The following ESRRG variants were observed in gnomAD, a reference collection of about 807,000 sequenced individuals.
The protein encoded by ESRRG is estrogen related receptor gamma.
Under a neutral mutation model 44.0 loss-of-function variants are expected in ESRRG, and 13 were observed. The observed-to-expected ratio is 0.30, with a 90% CI of 0.19 to 0.47. ESRRG has a LOEUF of 0.47. Among genes scored for constraint, ESRRG ranks in the 20% least tolerant of loss-of-function variants. The pLI is 1.00. For synonymous variants in ESRRG, 215 were observed against 214.6 expected, an observed-to-expected ratio of 1.00 and a Z score of -0.02; for missense variants, 395 against 580.6, an observed-to-expected ratio of 0.68 and a Z score of 3.29.
At chr1:217,034,807 G>A (rs1052974086) in intron 1 of ESRRG, among the ~76,000 whole-genome samples, 2 of 152,136 alleles carry the variant, frequency 1.3e-5, no homozygotes, top group East Asian at 1.9e-4. Flanking sequence ...GGTACATTCT[G>A]TGCCTAATGA....
chr1:216,657,927 T>C (rs1301122183), intron 2 of ESRRG, among the ~76,000 whole-genome samples: 1 of 152,158 alleles, frequency 6.6e-6, no homozygotes, highest in Non-Finnish European at 1.5e-5. Flanking sequence ...ATGTAGTATA[T>C]AAGAGGCATA....
intron 1 of ESRRG, among the ~76,000 whole-genome samples, chr1:217,009,278 T>C (rs1481841963): frequency 6.6e-6 from 1 of 152,076 alleles, no homozygotes; most frequent in Non-Finnish European, 1.5e-5. Context: ...ATGCACAATA[T>C]TGAAGATTGC....
At chr1:216,989,701 C>T (rs1301215328) in intron 1 of ESRRG, among the ~76,000 whole-genome samples, 2 of 152,148 alleles carry the variant, frequency 1.3e-5, no homozygotes, top group Non-Finnish European at 2.9e-5. Context: ...CACTTTCCTT[C>T]ATATTCAGAG....
chr1:216,690,977 A>T (rs2151726497), intron 1 of ESRRG, among the ~76,000 whole-genome samples: 1 of 152,316 alleles, frequency 6.6e-6, no homozygotes, highest in East Asian at 1.9e-4. Context: ...ACATAAATGC[A>T]TTTATGTGTA....
intron 2 of ESRRG, among the ~76,000 whole-genome samples, chr1:216,801,389 T>C (rs1260797746): frequency 6.6e-6 from 1 of 152,158 alleles, no homozygotes; most frequent in African/African-American, 2.4e-5. Context: ...TTTTGTATCC[T>C]GTGACCTACT....
At chr1:216,907,515 C>T (rs1560063631) in intron 2 of ESRRG, among the ~76,000 whole-genome samples, 1 of 152,162 alleles carries the variant, frequency 6.6e-6, no homozygotes, top group African/African-American at 2.4e-5. Flanking sequence ...TCAAAATGAA[C>T]AAGTATGGTT....
chr1:216,635,684 C>G (rs978059620), intron 3 of ESRRG, among the ~76,000 whole-genome samples: 1 of 152,140 alleles, frequency 6.6e-6, no homozygotes, highest in Non-Finnish European at 1.5e-5. Flanking sequence ...GCAGGTTTTG[C>G]TGACCCTGCC....
chr1:216,935,990 C>T (rs2064086651), intron 2 of ESRRG, among the ~76,000 whole-genome samples: 1 of 152,048 alleles, frequency 6.6e-6, no homozygotes, highest in Non-Finnish European at 1.5e-5. Context: ...CTTCTCTCCC[C>T]TTCCTGGAGG....
At chr1:216,749,257 C>A (rs2091766635) in intron 2 of ESRRG, among the ~76,000 whole-genome samples, 1 of 152,014 alleles carries the variant, frequency 6.6e-6, no homozygotes, top group Non-Finnish European at 1.5e-5. Context: ...AAACTGACAC[C>A]AATGACCAAT....
intron 1 of ESRRG, among the ~76,000 whole-genome samples, chr1:217,117,455 C>T (rs558273092): frequency 1.6e-4 from 24 of 152,110 alleles, no homozygotes; most frequent in Non-Finnish European, 2.5e-4. Context: ...GGTAGTGGTG[C>T]ATGCCTGTAG....
Position 216,594,989 on chromosome 1 carries a change from C to T in ESRRG, c.590-26891G>A, listed in dbSNP as rs116264385. Reference sequence around the variant, plus strand: ...ACAAGAGGCAACCACTTCAACCATCCTGCAGAAAGTAGACTATGGCTAGAG... The same window carrying T: ...ACAAGAGGCAACCACTTCAACCATCTTGCAGAAAGTAGACTATGGCTAGAG... On this transcript the variant is annotated intron_variant, in intron 3 of 6. Coordinates refer to ENST00000408911, the MANE Select transcript of ESRRG (RefSeq NM_001438.4). Among the ~76,000 whole-genome samples, 3 of 152,292 alleles carry T rather than the reference C, an allele frequency of 2.0e-5. No homozygotes were observed. The East Asian group carries it at 5.8e-4, about 29-fold the overall frequency.
intron 1 of ESRRG, among the ~76,000 whole-genome samples, chr1:217,113,635 G>C (rs1214675745): frequency 6.6e-6 from 1 of 152,074 alleles, no homozygotes; most frequent in African/African-American, 2.4e-5. Flanking sequence ...GAAATAGTTT[G>C]TTCTCAGAAG....
intron 2 of ESRRG, among the ~76,000 whole-genome samples, chr1:216,931,216 C>CT (rs966343250): frequency 6.6e-6 from 1 of 152,156 alleles, no homozygotes; most frequent in Non-Finnish European, 1.5e-5. Context: ...ATCCTTGTCC[C>CT]TTGTCCATCC....
At chr1:217,099,499 C>T (rs1415426735) in intron 1 of ESRRG, among the ~76,000 whole-genome samples, 1 of 151,980 alleles carries the variant, frequency 6.6e-6, no homozygotes, top group African/African-American at 2.4e-5. Context: ...TCTATGAAAT[C>T]TAATATAATG....
chr1:217,071,556 T>A (rs1367550247), intron 1 of ESRRG, among the ~76,000 whole-genome samples: 2 of 152,216 alleles, frequency 1.3e-5, no homozygotes, highest in East Asian at 3.9e-4. Context: ...AAGGAGCAGA[T>A]ACTATTATGT....
At chr1:216,906,272 T>C (rs1465321334) in intron 2 of ESRRG, among the ~76,000 whole-genome samples, 1 of 152,184 alleles carries the variant, frequency 6.6e-6, no homozygotes, top group Non-Finnish European at 1.5e-5. Flanking sequence ...ATAAATATAA[T>C]AAACTAAAAT....
chr1:216,743,862 G>A (rs1020146399), intron 2 of ESRRG, among the ~76,000 whole-genome samples: 2 of 152,194 alleles, frequency 1.3e-5, no homozygotes, highest in Non-Finnish European at 2.9e-5. Flanking sequence ...TTAGGAAGCT[G>A]AGACTTCGTA....
chr1:216,804,559 C>A (rs1050907826), intron 2 of ESRRG, among the ~76,000 whole-genome samples: 2 of 151,970 alleles, frequency 1.3e-5, no homozygotes, highest in African/African-American at 4.8e-5. Context: ...ATCACAAATC[C>A]TTGTATCTTT....
chr1:216,566,762 C>G lies in ESRRG; in HGVS notation c.700+1226G>C, dbSNP rs1404485401. Among the ~76,000 whole-genome samples, 3 of 152,254 alleles carry G rather than the reference C, an allele frequency of 2.0e-5. No homozygotes were observed. The South Asian group carries it at 6.2e-4, about 32-fold the overall frequency. On this transcript the variant is annotated intron_variant, in intron 4 of 6. Transcript: ENST00000408911. Reference sequence around the variant, plus strand: ...ATTGTATTTGCAGAATGCCAAACAGCTTATGCAGGCTGAGGAGAAGATGCC... The same window carrying G: ...ATTGTATTTGCAGAATGCCAAACAGGTTATGCAGGCTGAGGAGAAGATGCC...
Sources: gnomAD v4.1 joint callset for allele counts (sites outside exome capture counted in the v4.1 genomes callset) on GRCh38, gnomAD v4.1.1 for gene constraint, MANE v1.5 for transcripts, NCBI Gene and HGNC (gene_info 2026-07-23, HGNC 2026-07-21) for gene names.